Variants in ZBTB20 observed in about 807,000 individuals in gnomAD.
ZBTB20 encodes zinc finger and BTB domain containing 20.
Under a neutral mutation model 56.9 loss-of-function variants are expected in ZBTB20, and 9 were observed. The ratio of observed to expected loss-of-function variants is 0.16; its 90% CI spans 0.10 to 0.28. The LOEUF is 0.28. ZBTB20 is among the 10% of genes least tolerant of loss of function. ZBTB20 has a pLI of 1.00. For synonymous variants in ZBTB20, 417 were observed against 420.7 expected (o/e 0.99, Z 0.11); for missense variants, 655 against 1,003.0 (o/e 0.65, Z 4.69).
At chr3:115,030,328 G>GA (rs2108342381) in intron 2 of ZBTB20, among the ~76,000 whole-genome samples, 1 of 151,016 alleles carries the variant, frequency 6.6e-6, no homozygotes, top group East Asian at 1.9e-4. Flanking sequence ...TATCAGGCTG[G>GA]AATATGTGCC....
chr3:114,700,683 T>A (rs2063336616), intron 5 of ZBTB20, among the ~76,000 whole-genome samples: 2 of 152,218 alleles, frequency 1.3e-5, no homozygotes, highest in South Asian at 4.1e-4. Flanking sequence ...ACTCTCTCAA[T>A]TCCAAAAAAA....
chr3:114,561,084 T>C (rs2051982340), intron 6 of ZBTB20, among the ~76,000 whole-genome samples: 2 of 152,248 alleles, frequency 1.3e-5, no homozygotes, highest in African/African-American at 4.8e-5. Context: ...ACTCTTTACC[T>C]GTTCAAGTTT....
intron 3 of ZBTB20, among the ~76,000 whole-genome samples, chr3:114,924,378 T>C (rs986096454): frequency 6.6e-6 from 1 of 152,182 alleles, no homozygotes; most frequent in Non-Finnish European, 1.5e-5. Context: ...AATATTATTT[T>C]GCCATAAAAA....
intron 1 of ZBTB20, among the ~76,000 whole-genome samples, chr3:115,074,588 G>A (rs1449924674): frequency 1.3e-5 from 2 of 152,132 alleles, no homozygotes; most frequent in African/African-American, 4.8e-5. Context: ...TACACCTCCT[G>A]CCTTAAACAA....
chr3:114,712,842 G>C (rs549907920), intron 5 of ZBTB20, among the ~76,000 whole-genome samples: 1 of 152,234 alleles, frequency 6.6e-6, no homozygotes, highest in East Asian at 1.9e-4. Context: ...CATGGTTATA[G>C]TACTAATTGC....
chr3:114,481,261 A>G (rs2041506970), intron 7 of ZBTB20, among the ~76,000 whole-genome samples: 1 of 65,992 alleles, frequency 1.5e-5, no homozygotes, highest in Admixed American at 1.9e-4. Context: ...ACAAAAGGAT[A>G]CATTAAAAAA....
At chr3:115,110,445 T>A (rs372228297) in intron 1 of ZBTB20, among the ~76,000 whole-genome samples, 7 of 152,186 alleles carry the variant, frequency 4.6e-5, no homozygotes, top group African/African-American at 1.4e-4. Flanking sequence ...TAAGGTCAGA[T>A]CAAAAGTTTT....
At chr3:114,963,910 CA>C (rs2077545842) in intron 3 of ZBTB20, among the ~76,000 whole-genome samples, 1 of 152,070 alleles carries the variant, frequency 6.6e-6, no homozygotes, top group African/African-American at 2.4e-5. Context: ...ATTTAGTAAA[CA>C]AATTTTTAAA....
chr3:114,580,536 T>C (rs1393921365), intron 6 of ZBTB20, among the ~76,000 whole-genome samples: 1 of 151,770 alleles, frequency 6.6e-6, no homozygotes, highest in African/African-American at 2.4e-5. Flanking sequence ...AGAATTAGAA[T>C]TTAAGAGAAT....
Position 114,347,096 on chromosome 3 carries a change from T to G in ZBTB20, c.1804+3178A>C, listed in dbSNP as rs1042662774. ...CTTCAGGTTTTTTTTTTTTTTTTTT[T>G]TTTTTTTTTTTTTTAAGAGATAGGT... On this transcript the variant is annotated intron_variant, in intron 11 of 11. Transcript: ENST00000675478. 5.0e-5 allele frequency among the ~76,000 whole-genome samples: 7 copies of G among 140,780 alleles called. No individual in the cohort carries two copies. In the South Asian group the frequency reaches 9.5e-4, roughly 19 times the overall value. 92.4% of individuals were successfully genotyped at this position (140,780 alleles called of 152,430 possible).
intron 5 of ZBTB20, among the ~76,000 whole-genome samples, chr3:114,787,368 T>TACACACACACACACAC (rs1300106922): frequency 1.1e-4 from 12 of 106,322 alleles, no homozygotes; most frequent in African/African-American, 3.6e-4. Flanking sequence ...TATATATATA[T>TACACACACACACACAC]ACACACACAC....
At chr3:114,576,151 C>A (rs866746218) in intron 6 of ZBTB20, among the ~76,000 whole-genome samples, 3 of 152,092 alleles carry the variant, frequency 2.0e-5, no homozygotes, top group Non-Finnish European at 2.9e-5. Context: ...AATAAGTAAC[C>A]CTGTTATTTT....
intron 8 of ZBTB20, among the ~76,000 whole-genome samples, chr3:114,385,635 G>A (rs1210050256): frequency 3.3e-5 from 5 of 152,190 alleles, no homozygotes; most frequent in South Asian, 2.1e-4. Context: ...TTGGGAAGTC[G>A]AGGCGGGCGG....
intron 2 of ZBTB20, among the ~76,000 whole-genome samples, chr3:115,013,908 A>ATATGTGTGTG (rs145084756): frequency 1.4e-5 from 2 of 147,756 alleles, no homozygotes; most frequent in African/African-American, 5.0e-5. Context: ...CAATCCCTAT[A>ATATGTGTGTG]TGTGTGTGTG....
chr3:115,120,409 A>G (rs1257710485), intron 1 of ZBTB20, among the ~76,000 whole-genome samples: 3 of 152,138 alleles, frequency 2.0e-5, no homozygotes, highest in African/African-American at 7.2e-5. Context: ...ACAAATATCA[A>G]AGAATTAACA....
At chr3:115,026,715 A>G (rs1410256308) in intron 2 of ZBTB20, among the ~76,000 whole-genome samples, 1 of 150,880 alleles carries the variant, frequency 6.6e-6, no homozygotes, top group Admixed American at 6.6e-5. Context: ...TTCTAACATT[A>G]CCTTGACTCT....
chr3:115,003,285 A>G (rs1027774167), intron 2 of ZBTB20, among the ~76,000 whole-genome samples: 4 of 151,596 alleles, frequency 2.6e-5, no homozygotes, highest in Non-Finnish European at 5.9e-5. Context: ...CTAATGTACT[A>G]TAGTTATAAT....
chr3:114,991,302 T>C (rs933839869), intron 2 of ZBTB20, among the ~76,000 whole-genome samples: 1 of 152,200 alleles, frequency 6.6e-6, no homozygotes, highest in African/African-American at 2.4e-5. Flanking sequence ...TCTAGTATGC[T>C]GTGTCTTTGT....
chr3:114,957,503 T>G (rs1479034984), intron 3 of ZBTB20, among the ~76,000 whole-genome samples: 1 of 152,214 alleles, frequency 6.6e-6, no homozygotes, highest in Non-Finnish European at 1.5e-5. Flanking sequence ...GGAAAATGTA[T>G]GAAAACCACT....
Sources: allele counts gnomAD v4.1 joint callset (sites outside exome capture counted in the v4.1 genomes callset), GRCh38; gene constraint gnomAD v4.1.1; transcripts MANE v1.5; gene names NCBI Gene and HGNC (gene_info 2026-07-23, HGNC 2026-07-21).